The following NCAM2 variants were observed in gnomAD, a reference collection of about 807,000 sequenced individuals.
NCAM2 encodes the protein N-CAM-2.
In NCAM2, 30 loss-of-function variants were observed where a neutral mutation model predicts 98.1. The observed-to-expected ratio is 0.31, with a 90% confidence interval of 0.23 to 0.41. NCAM2 has a LOEUF of 0.41. Ranked by LOEUF, NCAM2 falls within the 10% of genes least tolerant of loss-of-function variation. NCAM2 has a pLI of 1.00. For synonymous variants in NCAM2, 368 were observed against 342.4 expected (o/e 1.07, Z -0.83); for missense variants, 867 against 1,005.8 (o/e 0.86, Z 1.87).
chr21:21,439,532 T>G (rs1417773694), intron 12 of NCAM2, among the ~76,000 whole-genome samples: 1 of 152,222 alleles, frequency 6.6e-6, no homozygotes, highest in Non-Finnish European at 1.5e-5. Flanking sequence ...AGTAGTGCTT[T>G]CTTGTTTTTT....
intron 15 of NCAM2, among the ~76,000 whole-genome samples, chr21:21,480,366 C>CAAAAAAAAAAAAAAAAA (rs59203448): frequency 2.3e-4 from 16 of 69,944 alleles, no homozygotes; most frequent in African/African-American, 9.6e-4. Flanking sequence ...GACTCCATCT[C>CAAAAAAAAAAAAAAAAA]AAAAAAAAAA....
intron 1 of NCAM2, among the ~76,000 whole-genome samples, chr21:21,064,746 G>T (rs2065397253): frequency 6.6e-6 from 1 of 152,128 alleles, no homozygotes; most frequent in African/African-American, 2.4e-5. Flanking sequence ...CAGGAAATGG[G>T]TTTTAGCTTA....
rs3071995 is a variant in NCAM2 at position 21,134,710 on chromosome 21, CTTT to C, written c.55+136105_55+136107del. 2.9e-3 allele frequency among the ~76,000 whole-genome samples: 386 copies of C among 134,348 alleles called. 4 individuals are homozygous for C. The highest frequency in any genetic ancestry group is 4.5e-3 in the Non-Finnish European group (285 of 63,224). The allele number at this position is 134,348 out of a possible 152,430, so 88.1% of individuals were successfully genotyped here. A position where few individuals can be genotyped will look rare whatever the true frequency, so the allele number is the denominator to read the frequency against. On this transcript the variant is annotated intron_variant, in intron 1 of 17. Coordinates refer to ENST00000400546, the MANE Select transcript of NCAM2 (RefSeq NM_004540.5). ...AGTTGAATTATGGTTATATTGCAGC[CTTT>C]TTTTTTTTTTTTCCTGAGTTATGGT...
intron 1 of NCAM2, among the ~76,000 whole-genome samples, chr21:21,112,796 C>A (rs1254716602): frequency 6.6e-6 from 1 of 152,130 alleles, no homozygotes; most frequent in African/African-American, 2.4e-5. Flanking sequence ...AAACAAGTTG[C>A]ACAGGATTCA....
chr21:21,031,645 G>A lies in NCAM2; in HGVS notation c.55+33027G>A, dbSNP rs563039168. 1.2e-4 allele frequency among the ~76,000 whole-genome samples: 18 copies of A among 152,340 alleles called. No homozygotes were observed. The East Asian group carries it at 3.5e-3, about 29-fold the overall frequency. ...TGTAAAGTATGTCTCCAATATGCAA[G>A]TAGGCAGTGATGGACGTTGATTTGA... On this transcript the variant is annotated intron_variant, in intron 1 of 17. Transcript: ENST00000400546.
chr21:21,300,279 A>G (rs1415053359), intron 5 of NCAM2, among the ~76,000 whole-genome samples: 2 of 151,970 alleles, frequency 1.3e-5, no homozygotes, highest in Non-Finnish European at 2.9e-5. Flanking sequence ...GTGTATGTTC[A>G]CCTTGAACCA....
intron 1 of NCAM2, among the ~76,000 whole-genome samples, chr21:21,033,536 AT>A (rs1163406782): frequency 2.0e-5 from 3 of 151,904 alleles, no homozygotes; most frequent in East Asian, 1.9e-4. Flanking sequence ...GTGGGAGTAA[AT>A]TTTTTTTCAG....
intron 12 of NCAM2, among the ~76,000 whole-genome samples, chr21:21,450,793 T>TGTATACACACAC (rs751489970): frequency 2.8e-5 from 4 of 143,428 alleles, no homozygotes; most frequent in African/African-American, 1.1e-4. Context: ...TATGTATGTA[T>TGTATACACACAC]ACACACACAC....
intron 15 of NCAM2, among the ~76,000 whole-genome samples, chr21:21,479,762 C>T (rs1985660343): frequency 9.2e-6 from 1 of 108,356 alleles, no homozygotes; most frequent in Non-Finnish European, 2.0e-5. Context: ...TTGAGAAACT[C>T]GTGTCCTGAG....
intron 1 of NCAM2, among the ~76,000 whole-genome samples, chr21:21,037,857 G>A (rs898698814): frequency 6.6e-6 from 1 of 152,086 alleles, no homozygotes; most frequent in African/African-American, 2.4e-5. Context: ...GAACATACAT[G>A]GAAGAATGGT....
At chr21:21,190,755 T>C (rs2068794699) in intron 1 of NCAM2, among the ~76,000 whole-genome samples, 1 of 152,180 alleles carries the variant, frequency 6.6e-6, no homozygotes, top group South Asian at 2.1e-4. Flanking sequence ...ACAACTTTTA[T>C]TTATCTTCTT....
intron 1 of NCAM2, among the ~76,000 whole-genome samples, chr21:21,172,447 T>A (rs908683800): frequency 2.0e-5 from 3 of 152,164 alleles, no homozygotes; most frequent in Non-Finnish European, 4.4e-5. Flanking sequence ...ATGTGCCATC[T>A]GTAAGTCTGA....
chr21:21,147,475 T>G (rs567537576), intron 1 of NCAM2, among the ~76,000 whole-genome samples: 1 of 151,800 alleles, frequency 6.6e-6, no homozygotes, highest in East Asian at 1.9e-4. Flanking sequence ...CGTGGTATAC[T>G]CATGACTCAC....
At chr21:21,209,164 C>T (rs2826736) in intron 1 of NCAM2, among the ~76,000 whole-genome samples, 78,463 of 151,834 alleles carry the variant, frequency 0.52, 20,473 homozygotes, top group South Asian at 0.62. Context: ...GTCCCTAGGC[C>T]AGGGTCAGGA....
chr21:21,219,584 A>C (rs529985304), intron 1 of NCAM2, among the ~76,000 whole-genome samples: 1 of 152,368 alleles, frequency 6.6e-6, no homozygotes, highest in East Asian at 1.9e-4. Flanking sequence ...CAATAAACGC[A>C]TAGCACATAC....
chr21:21,312,315 A>T (rs1244420622), intron 5 of NCAM2, among the ~76,000 whole-genome samples: 1 of 151,568 alleles, frequency 6.6e-6, no homozygotes, highest in East Asian at 1.9e-4. Context: ...GTATTGATTA[A>T]TATGCTTAAT....
Position 21,539,473 on chromosome 21 carries a change from G to A in NCAM2, c.*1516G>A, listed in dbSNP as rs548316158. 6.6e-6 allele frequency: 1 copy of A among 152,216 alleles called. No homozygotes were observed. The highest frequency in any genetic ancestry group is 2.1e-4 in the South Asian group (1 of 4,826). 9.4% of individuals were successfully genotyped at this position (152,216 alleles called of 1,614,324 possible). A position where few individuals can be genotyped will look rare whatever the true frequency, so the allele number is the denominator to read the frequency against. On this transcript the variant is annotated 3_prime_UTR_variant, in exon 18 of 18. Coordinates refer to ENST00000400546, the MANE Select transcript of NCAM2 (RefSeq NM_004540.5). ...AACATTGCAGAAACCTGCTCTGGGT[G>A]TGTCTCTCTGTAGAGATAACCTGAT...
intron 1 of NCAM2, among the ~76,000 whole-genome samples, chr21:21,177,293 C>T (rs138829250): frequency 1.2e-3 from 177 of 152,094 alleles, no homozygotes; most frequent in African/African-American, 4.1e-3. Flanking sequence ...TTTACTATAA[C>T]TACTTTCTAA....
intron 13 of NCAM2, among the ~76,000 whole-genome samples, chr21:21,467,428 T>TTATATA (rs72131936): frequency 1.1e-4 from 16 of 140,730 alleles, no homozygotes; most frequent in African/African-American, 4.4e-4. Context: ...ATATATCTTT[T>TTATATA]TATATATATA....
Sources: allele counts gnomAD v4.1 joint callset (sites outside exome capture counted in the v4.1 genomes callset), GRCh38; gene constraint gnomAD v4.1.1; transcripts MANE v1.5; gene names NCBI Gene and HGNC (gene_info 2026-07-23, HGNC 2026-07-21).